MORC4: variants seen among roughly 807,000 people sequenced by gnomAD.
MORC4 encodes MORC family CW-type zinc finger protein 4.
MORC4 carries 22 observed loss-of-function variants against 65.5 expected under a neutral mutation model. The observed-to-expected ratio is 0.34, with a 90% CI of 0.24 to 0.48. The LOEUF (loss-of-function observed/expected upper bound fraction) is 0.48. Ranked by LOEUF, MORC4 falls within the 20% of genes least tolerant of loss-of-function variation. MORC4 has a pLI of 0.99. For synonymous variants in MORC4, 267 were observed against 255.8 expected (o/e 1.04, Z -0.42); for missense variants, 624 against 703.0 (o/e 0.89, Z 1.27).
intron 9 of MORC4, among the ~76,000 whole-genome samples, chrX:106,964,931 C>T (rs1437030974): frequency 1.8e-5 from 2 of 109,241 alleles, no homozygotes; most frequent in Non-Finnish European, 3.8e-5. Flanking sequence ...ATAGCTTGAA[C>T]CGGGAAGGGG....
intron 7 of MORC4, among the ~76,000 whole-genome samples, chrX:106,980,146 T>C (rs1240056051): frequency 1.8e-5 from 2 of 110,957 alleles, no homozygotes; most frequent in Admixed American, 9.7e-5. Flanking sequence ...TTGCAAGTTT[T>C]CAGCCTTTCA....
At chrX:106,969,503 C>T (rs1387590047) in intron 9 of MORC4, among the ~76,000 whole-genome samples, 3 of 111,581 alleles carry the variant, frequency 2.7e-5, no homozygotes, top group African/African-American at 9.8e-5. Context: ...GATAGAGACA[C>T]AAAAATCCCT....
At chrX:106,999,033 G>A (rs775471199) in intron 2 of MORC4, among the ~76,000 whole-genome samples, 2 of 112,019 alleles carry the variant, frequency 1.8e-5, no homozygotes, top group Non-Finnish European at 1.9e-5. Flanking sequence ...TGCAAAAACT[G>A]GTGTAATTGG....
At chrX:106,953,064 A>G (rs1934015894) in intron 14 of MORC4, among the ~76,000 whole-genome samples, 1 of 112,136 alleles carries the variant, frequency 8.9e-6, no homozygotes, top group Non-Finnish European at 1.9e-5. Context: ...TTCTCAATAA[A>G]TTAAAATTAC....
chrX:106,974,905 A>G (rs1336078951), intron 9 of MORC4, among the ~76,000 whole-genome samples: 1 of 111,716 alleles, frequency 9.0e-6, no homozygotes, highest in Non-Finnish European at 1.9e-5. Context: ...AGTTATGCAA[A>G]TTTGTTATCC....
At chrX:106,980,256 T>A (rs1286763240) in intron 7 of MORC4, among the ~76,000 whole-genome samples, 2 of 111,285 alleles carry the variant, frequency 1.8e-5, no homozygotes, top group African/African-American at 6.5e-5. Flanking sequence ...TTCTCAATGC[T>A]ATGCAAGGGA....
At chrX:106,977,046 T>C (rs1236642946) in intron 8 of MORC4, among the ~76,000 whole-genome samples, 1 of 111,566 alleles carries the variant, frequency 9.0e-6, no homozygotes. Context: ...AAAACCAAGG[T>C]TATATACTAC....
At chrX:106,967,077 G>A (rs1248646458) in intron 9 of MORC4, among the ~76,000 whole-genome samples, 2 of 111,289 alleles carry the variant, frequency 1.8e-5, no homozygotes, top group Non-Finnish European at 3.8e-5. Context: ...TCTCATACAG[G>A]CAGGTGCCCC....
intron 14 of MORC4, among the ~76,000 whole-genome samples, chrX:106,948,120 G>A (rs780588763): frequency 1.8e-5 from 2 of 110,825 alleles, no homozygotes; most frequent in East Asian, 2.8e-4. Context: ...TAACATTCAC[G>A]AATCTAATAA....
At chrX:106,963,119 A>G (rs997595893) in intron 9 of MORC4, among the ~76,000 whole-genome samples, 1 of 111,821 alleles carries the variant, frequency 8.9e-6, no homozygotes, top group Non-Finnish European at 1.9e-5. Flanking sequence ...CTCTATGTCT[A>G]TATCCTTCCC....
intron 3 of MORC4, among the ~76,000 whole-genome samples, chrX:106,992,646 T>C (rs1164276878): frequency 8.9e-6 from 1 of 112,502 alleles, no homozygotes; most frequent in Admixed American, 9.4e-5. Flanking sequence ...TTAAAGAATA[T>C]ATGTCTGAAT....
chrX:106,956,084 A>C (rs989039762), intron 13 of MORC4, among the ~76,000 whole-genome samples: 4 of 111,203 alleles, frequency 3.6e-5, no homozygotes, highest in Admixed American at 2.9e-4. Flanking sequence ...GAGTACAAAC[A>C]ACCACCCCTT....
rs1436254848 is a variant in MORC4, at chrX:106,999,715, C to T, written c.137G>A (p.Ser46Asn). Residue 46 changes from serine to asparagine, a missense_variant, in exon 2 of 17, where the codon AGC becomes AAC. Ser to Asn is a conservative substitution (Grantham distance 46). Coordinates refer to ENST00000355610, the MANE Select transcript of MORC4 (RefSeq NM_024657.5). ...SPRYLQSNSS[S>N]HTRPFSAIAE... is the part of the protein sequence containing the mutation. The stretch of plus-strand genomic sequence containing the variant: ...GATGGCACTGAAGGGTCGCGTGTGG[C>T]TGCTGGAGTTGCTCTGGAGGTAGCG... 8.9e-7 allele frequency: 1 copy of T among 1,128,977 alleles called. No homozygotes were observed. 93.0% of individuals were successfully genotyped at this position (1,128,977 alleles called of 1,213,427 possible). A position where few individuals can be genotyped will look rare whatever the true frequency, so the allele number is the denominator to read the frequency against.
intron 5 of MORC4, among the ~76,000 whole-genome samples, chrX:106,983,792 T>C (rs1326437264): frequency 9.2e-6 from 1 of 109,188 alleles, no homozygotes; most frequent in Admixed American, 9.8e-5. Context: ...GTGATCCTCC[T>C]GCCTTGGCCT....
At position 106,986,210 on chromosome X, in the gene MORC4, C is replaced by A; in HGVS notation, c.309-10G>T. ...ATCTGTAAAGCCAAAGCTGCAATTACACAAGAAAAAACAAATCAGAAAAAA... is the reference window on the plus strand; with the variant it reads ...ATCTGTAAAGCCAAAGCTGCAATTAAACAAGAAAAAACAAATCAGAAAAAA... On this transcript the variant is annotated splice_polypyrimidine_tract_variant and intron_variant, in intron 3 of 16. Transcript: ENST00000355610. 1 of 1,151,406 alleles carries A rather than the reference C, an allele frequency of 8.7e-7. No homozygotes were observed. The highest frequency in any genetic ancestry group is 1.2e-6 in the Non-Finnish European group (1 of 854,739). The allele number at this position is 1,151,406 out of a possible 1,213,427, so 94.9% of individuals were successfully genotyped here.
intron 14 of MORC4, among the ~76,000 whole-genome samples, chrX:106,945,568 C>CA (rs772714251): frequency 9.2e-6 from 1 of 108,649 alleles, no homozygotes; most frequent in Admixed American, 9.9e-5. Context: ...AAGAGGCAAC[C>CA]AAAAAAAGAA....
At chrX:106,988,026 G>A (rs1161448189) in intron 3 of MORC4, among the ~76,000 whole-genome samples, 2 of 111,502 alleles carry the variant, frequency 1.8e-5, no homozygotes, top group African/African-American at 6.5e-5. Flanking sequence ...ATTATATACT[G>A]TATGCAAAAT....
chrX:106,953,360 C>T (rs1364019730), intron 14 of MORC4, among the ~76,000 whole-genome samples: 1 of 111,915 alleles, frequency 8.9e-6, no homozygotes, highest in Admixed American at 9.5e-5. Flanking sequence ...ACACCTGACA[C>T]TCCAGCAGCA....
intron 3 of MORC4, among the ~76,000 whole-genome samples, chrX:106,991,086 A>G (rs1934973286): frequency 9.0e-6 from 1 of 111,552 alleles, no homozygotes; most frequent in South Asian, 3.9e-4. Flanking sequence ...TATAGCTAAG[A>G]AAGTTTCTAC....
Sources: gnomAD v4.1 joint callset for allele counts (sites outside exome capture counted in the v4.1 genomes callset) on GRCh38, gnomAD v4.1.1 for gene constraint, MANE v1.5 for transcripts, NCBI Gene and HGNC (gene_info 2026-07-23, HGNC 2026-07-21) for gene names.